GNAI3: variants seen among roughly 807,000 people sequenced by gnomAD.
GNAI3 encodes the protein G protein subunit alpha i3, also known as guanine nucleotide-binding protein G(i) subunit alpha-3.
A neutral mutation model predicts 41.8 loss-of-function variants in GNAI3; 12 were observed. The ratio of observed to expected loss-of-function variants is 0.29; its 90% CI spans 0.18 to 0.47. The LOEUF (loss-of-function observed/expected upper bound fraction) is 0.47. Among genes scored for constraint, GNAI3 ranks in the 20% least tolerant of loss-of-function variants. The pLI, the probability that GNAI3 is intolerant of heterozygous loss-of-function variation, is 1.00. For synonymous variants in GNAI3, 132 were observed against 146.5 expected (o/e 0.90, Z 0.71); for missense variants, 360 against 429.6 (o/e 0.84, Z 1.43).
At chr1:109,584,312 G>A (rs1188157729) in intron 5 of GNAI3, among the ~76,000 whole-genome samples, 1 of 152,170 alleles carries the variant, frequency 6.6e-6, no homozygotes, top group East Asian at 1.9e-4. Context: ...TAGTACTGAT[G>A]AATTTATTTA....
intron 4 of GNAI3, among the ~76,000 whole-genome samples, chr1:109,579,748 G>A (rs975530428): frequency 2.6e-5 from 4 of 152,148 alleles, no homozygotes; most frequent in Non-Finnish European, 5.9e-5. Context: ...TCCTTTTTAT[G>A]CAGCCAGCTC....
At chr1:109,548,997 A>T (rs1647905534) in intron 1 of GNAI3, among the ~76,000 whole-genome samples, 159 bp downstream of exon 1, 1 of 144,364 alleles carries the variant, frequency 6.9e-6, no homozygotes, top group African/African-American at 2.6e-5. Context: ...CTGAGGCCCC[A>T]GAGGGCGTGA....
chr1:109,562,347 T>G (rs1031928420), intron 1 of GNAI3, among the ~76,000 whole-genome samples: 1 of 152,196 alleles, frequency 6.6e-6, no homozygotes, highest in Non-Finnish European at 1.5e-5. Flanking sequence ...CTACACCATT[T>G]TATGTAAGGG....
chr1:109,565,563 A>T (rs140034890), intron 1 of GNAI3, among the ~76,000 whole-genome samples: 4 of 152,214 alleles, frequency 2.6e-5, no homozygotes, highest in Non-Finnish European at 1.5e-5. Context: ...CATCCATTGC[A>T]TCTGGCATTG....
intron 1 of GNAI3, among the ~76,000 whole-genome samples, chr1:109,560,759 G>GGGT (rs1481418136): frequency 2.6e-5 from 4 of 152,164 alleles, no homozygotes; most frequent in Non-Finnish European, 5.9e-5. Flanking sequence ...ACAGTGCCCA[G>GGGT]GGTAGTCTTT....
intron 7 of GNAI3, 125 bp from the exon 8 acceptor site, chr1:109,591,918 A>G: frequency 7.6e-6 from 4 of 523,030 alleles, no homozygotes. Context: ...TTATAGAAAT[A>G]GAGAATTCTA....
chr1:109,577,753 G>A (rs1234416579), intron 3 of GNAI3, among the ~76,000 whole-genome samples: 1 of 152,166 alleles, frequency 6.6e-6, no homozygotes, highest in Non-Finnish European at 1.5e-5. Flanking sequence ...CCCAGAGTTT[G>A]GCAAAAATAA....
At chr1:109,585,092 C>A (rs1212315099) in intron 5 of GNAI3, among the ~76,000 whole-genome samples, 1 of 152,204 alleles carries the variant, frequency 6.6e-6, no homozygotes, top group Admixed American at 6.5e-5. Flanking sequence ...TGGGGGAAAA[C>A]ATCTCTGGAA....
At chr1:109,549,266 T>A (rs1320827707) in intron 1 of GNAI3, among the ~76,000 whole-genome samples, 1 of 151,578 alleles carries the variant, frequency 6.6e-6, no homozygotes, top group Admixed American at 6.6e-5. Context: ...CGTGGTTCTT[T>A]GGCAGGATAA....
At chr1:109,575,650 G>C (rs1186391905) in intron 3 of GNAI3, among the ~76,000 whole-genome samples, 1 of 142,116 alleles carries the variant, frequency 7.0e-6, no homozygotes, top group African/African-American at 2.6e-5. Context: ...TCCTGTCTCA[G>C]CCTCCTGAGT....
chr1:109,595,310 T>C lies in GNAI3; in HGVS notation c.*2988T>C, dbSNP rs541132722. ...CTCCTAGCATGAAAATTCCAAAAAC[T>C]TTAACAATTACTCATAAGTGGATCT... On this transcript the variant is annotated 3_prime_UTR_variant, in exon 9 of 9. Coordinates refer to ENST00000369851, the MANE Select transcript of GNAI3 (RefSeq NM_006496.4). 3.3e-5 allele frequency: 5 copies of C among 152,322 alleles called. No individual in the cohort carries two copies. The highest frequency in any genetic ancestry group is 4.1e-4 in the South Asian group (2 of 4,834). 9.4% of individuals were successfully genotyped at this position (152,322 alleles called of 1,614,324 possible). A position where few individuals can be genotyped will look rare whatever the true frequency, so the allele number is the denominator to read the frequency against.
At chr1:109,563,903 A>G (rs975873218) in intron 1 of GNAI3, among the ~76,000 whole-genome samples, 4 of 152,208 alleles carry the variant, frequency 2.6e-5, no homozygotes, top group Non-Finnish European at 5.9e-5. Context: ...ATAGGTACAC[A>G]GATTTTTTGT....
At chr1:109,574,539 G>T (rs779977726) in intron 3 of GNAI3, among the ~76,000 whole-genome samples, 7 of 152,116 alleles carry the variant, frequency 4.6e-5, no homozygotes, top group Non-Finnish European at 8.8e-5. Flanking sequence ...TATAGAATTG[G>T]AGTATAACAT....
At chr1:109,585,272 C>G (rs188251642) in intron 5 of GNAI3, among the ~76,000 whole-genome samples, 2 of 152,162 alleles carry the variant, frequency 1.3e-5, no homozygotes, top group Non-Finnish European at 2.9e-5. Context: ...GATCTTTTTA[C>G]TATAGGAGGT....
At chr1:109,556,680 C>T (rs1648164230) in intron 1 of GNAI3, among the ~76,000 whole-genome samples, 1 of 152,150 alleles carries the variant, frequency 6.6e-6, no homozygotes, top group African/African-American at 2.4e-5. Flanking sequence ...TTTTCTGTTT[C>T]AGTACCAGCA....
chr1:109,586,141 G>A, intron 5 of GNAI3, 75 bp from the exon 6 acceptor site: 3 of 1,298,812 alleles, frequency 2.3e-6, no homozygotes, highest in Non-Finnish European at 3.1e-6. Context: ...ATAGTGGGAA[G>A]TTTCCTAATC....
chr1:109,583,928 G>A (rs991580639), intron 5 of GNAI3, among the ~76,000 whole-genome samples: 1 of 152,120 alleles, frequency 6.6e-6, no homozygotes, highest in Non-Finnish European at 1.5e-5. Context: ...GCTTGTCTCT[G>A]TGTTAATGGT....
intron 1 of GNAI3, among the ~76,000 whole-genome samples, chr1:109,558,458 T>C (rs1466684657): frequency 6.6e-6 from 1 of 151,984 alleles, no homozygotes; most frequent in African/African-American, 2.4e-5. Flanking sequence ...TAAAAATAAA[T>C]TGAAGTAGGG....
chr1:109,572,814 G>A (rs1163036612), intron 1 of GNAI3, among the ~76,000 whole-genome samples: 1 of 152,158 alleles, frequency 6.6e-6, no homozygotes, highest in Admixed American at 6.5e-5. Context: ...AAATATCATG[G>A]GAAATTGCAG....
Sources: gnomAD v4.1 joint callset for allele counts (sites outside exome capture counted in the v4.1 genomes callset) on GRCh38, gnomAD v4.1.1 for gene constraint, MANE v1.5 for transcripts, NCBI Gene and HGNC (gene_info 2026-07-23, HGNC 2026-07-21) for gene names.